TRAPPC9: variants seen among roughly 807,000 people sequenced by gnomAD.
TRAPPC9 encodes the protein trafficking protein particle complex subunit 9.
A neutral mutation model predicts 124.0 loss-of-function variants in TRAPPC9; 83 were observed. The observed-to-expected ratio is 0.67, with a 90% confidence interval of 0.56 to 0.80. The LOEUF is 0.80. Among genes scored for constraint, TRAPPC9 ranks in the 30% least tolerant of loss-of-function variants. TRAPPC9 has a pLI of 0.00. For synonymous variants in TRAPPC9, 638 were observed against 617.5 expected (o/e 1.03, Z -0.49); for missense variants, 1,302 against 1,508.3 (o/e 0.86, Z 2.27).
intron 21 of TRAPPC9, among the ~76,000 whole-genome samples, chr8:139,748,774 C>T (rs539173585): frequency 4.6e-5 from 7 of 152,182 alleles, no homozygotes; most frequent in African/African-American, 1.7e-4. Context: ...ATGTGTGCCA[C>T]CTAGAAGGGC....
chr8:140,167,433 C>T, intron 17 of TRAPPC9, among the ~76,000 whole-genome samples: 1 of 152,170 alleles, frequency 6.6e-6, no homozygotes, highest in Non-Finnish European at 1.5e-5. Context: ...CACACCACAG[C>T]ACCCCTTTGA....
intron 18 of TRAPPC9, among the ~76,000 whole-genome samples, chr8:139,997,193 C>T (rs1179492267): frequency 6.6e-6 from 1 of 152,162 alleles, no homozygotes; most frequent in East Asian, 1.9e-4. Context: ...ACAATGCATC[C>T]TGCACAGAAG....
intron 19 of TRAPPC9, among the ~76,000 whole-genome samples, chr8:139,937,484 C>A (rs750757696): frequency 6.6e-6 from 1 of 152,112 alleles, no homozygotes; most frequent in African/African-American, 2.4e-5. Flanking sequence ...CAAGGCGCTG[C>A]GGGGACAGCG....
chr8:139,902,049 C>G (rs934175919), intron 20 of TRAPPC9, among the ~76,000 whole-genome samples: 1 of 152,150 alleles, frequency 6.6e-6, no homozygotes, highest in Non-Finnish European at 1.5e-5. Flanking sequence ...ATAATCATCA[C>G]GCTAAAAATA....
intron 17 of TRAPPC9, among the ~76,000 whole-genome samples, chr8:140,217,107 G>A (rs2063214689): frequency 6.6e-6 from 1 of 152,186 alleles, no homozygotes; most frequent in Non-Finnish European, 1.5e-5. Context: ...CTCACAACTG[G>A]AGCACAATAT....
In TRAPPC9 at chr8:140,274,274, G is replaced by A. The variant is rs547663456; in HGVS notation, c.2278+1384C>T. 1.1e-3 allele frequency among the ~76,000 whole-genome samples: 163 copies of A among 152,174 alleles called. 2 individuals carry two copies. The South Asian group carries it at 0.032, about 30-fold the overall frequency. ...TTCAAGACAAGAAAATATAAAATGA[G>A]TGTGCACCAACAAGCTACAGGTGAC... On this transcript the variant is annotated intron_variant, in intron 15 of 22. Coordinates refer to ENST00000438773, the MANE Select transcript of TRAPPC9 (RefSeq NM_001160372.4).
At chr8:140,103,089 A>C (rs2060608610) in intron 17 of TRAPPC9, among the ~76,000 whole-genome samples, 1 of 152,194 alleles carries the variant, frequency 6.6e-6, no homozygotes. Context: ...CCCCACTCCC[A>C]CAGCACAGAC....
chr8:140,102,120 A>G (rs2060591163), intron 17 of TRAPPC9, among the ~76,000 whole-genome samples: 1 of 152,226 alleles, frequency 6.6e-6, no homozygotes, highest in Non-Finnish European at 1.5e-5. Context: ...ACTGTAACAG[A>G]ATGTAGTTAA....
chr8:140,086,433 T>G (rs916246315), intron 17 of TRAPPC9, among the ~76,000 whole-genome samples: 5 of 152,124 alleles, frequency 3.3e-5, no homozygotes, highest in African/African-American at 1.2e-4. Context: ...CATAGCCCCT[T>G]TCCTCTGTGA....
chr8:140,373,763 C>T (rs2068352116), intron 7 of TRAPPC9, among the ~76,000 whole-genome samples: 1 of 151,690 alleles, frequency 6.6e-6, no homozygotes, highest in South Asian at 2.1e-4. Flanking sequence ...CTTCCATTTC[C>T]CTGAAAACTA....
chr8:140,235,645 G>C lies in TRAPPC9; in HGVS notation c.2432-14062C>G, dbSNP rs143880638. Among the ~76,000 whole-genome samples, 524 of 152,286 alleles carry C rather than the reference G, an allele frequency of 3.4e-3. 3 individuals are homozygous for C. The highest frequency in any genetic ancestry group is 0.012 in the African/African-American group (501 of 41,556). Reference sequence around the variant, plus strand: ...ATTTAAAACACTGACAATACCAATGGGTGGCGAGGAGCTGGAGCAAGAGAG... The same window carrying C: ...ATTTAAAACACTGACAATACCAATGCGTGGCGAGGAGCTGGAGCAAGAGAG... On this transcript the variant is annotated intron_variant, in intron 16 of 22. Transcript: ENST00000438773.
In TRAPPC9 at chr8:139,749,322, C is replaced by T. The variant is rs533717389; in HGVS notation, c.3056-17120G>A. 1.2e-4 allele frequency among the ~76,000 whole-genome samples: 18 copies of T among 152,312 alleles called. 1 individual carries two copies. Among genetic ancestry groups the T allele is most frequent in the Admixed American group, 2.6e-4 (4 of 15,308 alleles). On this transcript the variant is annotated intron_variant, in intron 21 of 22. Transcript: ENST00000438773. ...CTCCTGAGCTCCTGGGGGACCTCTG[C>T]CATATGAATGGACAGACGATAAGAT... is the stretch of plus-strand genomic sequence containing the variant.
At chr8:139,948,190 T>C (rs1014669515) in intron 19 of TRAPPC9, among the ~76,000 whole-genome samples, 2 of 150,530 alleles carry the variant, frequency 1.3e-5, no homozygotes, top group South Asian at 2.1e-4. Flanking sequence ...GGAAGGGAAA[T>C]AGAAGCGAAC....
chr8:139,909,113 G>A (rs572202798), intron 20 of TRAPPC9, among the ~76,000 whole-genome samples: 44 of 150,804 alleles, frequency 2.9e-4, no homozygotes, highest in Non-Finnish European at 3.1e-4. Context: ...GGACACTTTC[G>A]GAATCCAGGA....
At chr8:139,934,694 T>C (rs926835557) in intron 19 of TRAPPC9, among the ~76,000 whole-genome samples, 1 of 152,182 alleles carries the variant, frequency 6.6e-6, no homozygotes, top group Non-Finnish European at 1.5e-5. Context: ...GCCCCATCCC[T>C]GCAGACTGGG....
chr8:140,000,996 T>C (rs954332169), intron 18 of TRAPPC9, among the ~76,000 whole-genome samples: 1 of 152,148 alleles, frequency 6.6e-6, no homozygotes, highest in Non-Finnish European at 1.5e-5. Context: ...TGTCCATCAA[T>C]GATAGACTGG....
At chr8:139,799,329 A>G (rs1823309834) in intron 21 of TRAPPC9, among the ~76,000 whole-genome samples, 1 of 152,000 alleles carries the variant, frequency 6.6e-6, no homozygotes, top group Non-Finnish European at 1.5e-5. Flanking sequence ...ATCCACCCCA[A>G]CCTTTTTTGC....
At position 140,423,101 on chromosome 8, in the gene TRAPPC9, A is replaced by T. The variant is rs570755879; in HGVS notation, c.886+3514T>A. On this transcript the variant is annotated intron_variant, in intron 5 of 22. Coordinates refer to ENST00000438773, the MANE Select transcript of TRAPPC9 (RefSeq NM_001160372.4). ...TGAAAAAGTTAAACGTTGAGTTACC[A>T]CATGACCCAGCAACTCCCCTTCCTA... Among the ~76,000 whole-genome samples the T allele has an allele frequency of 2.0e-5, 3 of 152,322 alleles. No individual in the cohort carries two copies. The South Asian group carries it at 6.2e-4, about 32-fold the overall frequency.
At chr8:140,439,219 A>C in intron 2 of TRAPPC9, 22 bp from the exon 3 acceptor site, 1 of 1,613,576 alleles carries the variant, frequency 6.2e-7, no homozygotes, top group Non-Finnish European at 8.5e-7. Flanking sequence ...ATGAAAATGT[A>C]TCTTTATTAC....
Sources: allele counts gnomAD v4.1 joint callset (sites outside exome capture counted in the v4.1 genomes callset), GRCh38; gene constraint gnomAD v4.1.1; transcripts MANE v1.5; gene names NCBI Gene and HGNC (gene_info 2026-07-23, HGNC 2026-07-21).